The following SORCS1 variants were observed in gnomAD, a reference collection of about 807,000 sequenced individuals.
SORCS1 encodes sortilin related VPS10 domain containing receptor 1, also known as VPS10 domain-containing receptor SorCS1.
A neutral mutation model predicts 146.1 loss-of-function variants in SORCS1; 60 were observed. The ratio of observed to expected loss-of-function variants is 0.41; its 90% CI spans 0.33 to 0.51. The LOEUF (loss-of-function observed/expected upper bound fraction) is 0.51, where lower values mean the gene tolerates loss of function less well. Among genes scored for constraint, SORCS1 ranks in the 20% least tolerant of loss-of-function variants. SORCS1 has a pLI of 0.21. For missense variants in SORCS1, 1,352 were observed against 1,487.6 expected (o/e 0.91, Z 1.50); for synonymous variants, 637 against 584.0 (o/e 1.09, Z -1.31).
intron 6 of SORCS1, among the ~76,000 whole-genome samples, chr10:106,713,979 A>G (rs1855178501): frequency 6.6e-6 from 1 of 151,940 alleles, no homozygotes; most frequent in Non-Finnish European, 1.5e-5. Flanking sequence ...TAAAAACACA[A>G]TAATTAGCCA....
chr10:106,964,775 TGCAC>T (rs1434837405), intron 1 of SORCS1, among the ~76,000 whole-genome samples: 1 of 151,918 alleles, frequency 6.6e-6, no homozygotes, highest in African/African-American at 2.4e-5. Context: ...CATGAGCCAC[TGCAC>T]CAGGCCTAAT....
chr10:106,661,507 C>A (rs1850726219), intron 17 of SORCS1, among the ~76,000 whole-genome samples: 1 of 152,140 alleles, frequency 6.6e-6, no homozygotes, highest in Admixed American at 6.5e-5. Context: ...ACTGTGGATT[C>A]ATAATAAAAG....
chr10:106,679,839 T>C (rs1852303837), intron 10 of SORCS1, 105 bp from the exon 11 acceptor site: 3 of 848,322 alleles, frequency 3.5e-6, no homozygotes, highest in Non-Finnish European at 5.6e-6. Flanking sequence ...CCATTTACCA[T>C]ACATCCATGC....
chr10:107,006,283 C>CT (rs1957438552), intron 1 of SORCS1, among the ~76,000 whole-genome samples: 1 of 152,166 alleles, frequency 6.6e-6, no homozygotes, highest in South Asian at 2.1e-4. Flanking sequence ...TAGCCCTGTG[C>CT]TTAGCACCTG....
At chr10:106,662,202 G>A (rs769437216) in intron 17 of SORCS1, among the ~76,000 whole-genome samples, 6 of 152,154 alleles carry the variant, frequency 3.9e-5, no homozygotes, top group Non-Finnish European at 7.3e-5. Flanking sequence ...AATAATAACC[G>A]ATGCCAGGAT....
At chr10:106,732,331 A>G (rs1856656440) in intron 5 of SORCS1, among the ~76,000 whole-genome samples, 1 of 152,184 alleles carries the variant, frequency 6.6e-6, no homozygotes, top group Non-Finnish European at 1.5e-5. Flanking sequence ...CTTTCATCAG[A>G]ATTTCAGTTA....
chr10:107,129,384 G>A (rs1565081911), intron 1 of SORCS1, among the ~76,000 whole-genome samples: 5 of 152,122 alleles, frequency 3.3e-5, no homozygotes, highest in African/African-American at 7.2e-5. Flanking sequence ...TTCCTTCAAC[G>A]TTAAGAGAAA....
intron 2 of SORCS1, among the ~76,000 whole-genome samples, chr10:106,900,954 T>TTG (rs374799399): frequency 1.3e-5 from 2 of 152,066 alleles, no homozygotes; most frequent in African/African-American, 4.8e-5. Flanking sequence ...TGGTTTTGGT[T>TTG]TGTGTGTGTG....
intron 2 of SORCS1, among the ~76,000 whole-genome samples, chr10:106,929,495 G>C (rs1323712301): frequency 2.0e-5 from 3 of 152,094 alleles, no homozygotes; most frequent in Admixed American, 6.5e-5. Flanking sequence ...AAAAAGAAAA[G>C]CCCTGTCTCT....
rs144875282 is a variant in SORCS1, at chr10:107,162,711, C to T, written c.558+1258G>A. Among the ~76,000 whole-genome samples, 408 of 152,270 alleles carry T rather than the reference C, an allele frequency of 2.7e-3. 2 individuals carry two copies. The highest frequency in any genetic ancestry group is 9.5e-3 in the African/African-American group (393 of 41,548). The stretch of plus-strand genomic sequence containing the variant: ...TGACAGATTAGTATTTTAAAATGTT[C>T]ACAACTCTCATTAAAAAGCTGACAA... On this transcript the variant is annotated intron_variant, in intron 1 of 25. Transcript: ENST00000263054.
At chr10:107,123,078 A>C (rs1294821075) in intron 1 of SORCS1, among the ~76,000 whole-genome samples, 1 of 77,646 alleles carries the variant, frequency 1.3e-5, no homozygotes, top group Non-Finnish European at 2.3e-5. Flanking sequence ...ACAAACTGGC[A>C]AAAAAAAAAA....
chr10:106,876,350 T>G (rs917584509), intron 2 of SORCS1, among the ~76,000 whole-genome samples: 9 of 152,318 alleles, frequency 5.9e-5, no homozygotes, highest in African/African-American at 2.2e-4. Flanking sequence ...TCACTCTGCA[T>G]CCCTTGCATC....
At chr10:106,762,686 C>G (rs1020401524) in intron 4 of SORCS1, among the ~76,000 whole-genome samples, 1 of 152,038 alleles carries the variant, frequency 6.6e-6, no homozygotes, top group Non-Finnish European at 1.5e-5. Context: ...CGTGAGCCAC[C>G]GTGCCCAGCC....
chr10:106,763,438 G>T (rs2136271068), intron 4 of SORCS1, among the ~76,000 whole-genome samples: 1 of 152,308 alleles, frequency 6.6e-6, no homozygotes, highest in Non-Finnish European at 1.5e-5. Context: ...GGCCCCTCAA[G>T]TGGTGGGTAT....
At chr10:106,810,889 T>C (rs1947422679) in intron 3 of SORCS1, among the ~76,000 whole-genome samples, 1 of 151,834 alleles carries the variant, frequency 6.6e-6, no homozygotes, top group African/African-American at 2.4e-5. Flanking sequence ...AGGAGAGAAA[T>C]CATGAGGCTA....
At chr10:106,672,828 C>T in intron 15 of SORCS1, 40 bp downstream of exon 15, 1 of 1,564,044 alleles carries the variant, frequency 6.4e-7, no homozygotes, top group Non-Finnish European at 8.8e-7. Context: ...ACCACTCATG[C>T]TTCCTGCCCA....
In SORCS1 at chr10:106,593,179, C is replaced by A. The variant is rs898708415; in HGVS notation, c.3265+4172G>T. On this transcript the variant is annotated intron_variant, in intron 24 of 25. Transcript: ENST00000263054. ...ACTGTGGCAAGTGTGTCTCGGCCCACCGATACCCTACCAAAGTGCCAAGTT... is the reference window on the plus strand; with the variant it reads ...ACTGTGGCAAGTGTGTCTCGGCCCAACGATACCCTACCAAAGTGCCAAGTT... 2.0e-5 allele frequency among the ~76,000 whole-genome samples: 3 copies of A among 151,718 alleles called. No homozygotes were observed. In the East Asian group the frequency reaches 5.8e-4, roughly 29 times the overall value.
intron 1 of SORCS1, among the ~76,000 whole-genome samples, chr10:107,152,558 G>C (rs917593524): frequency 1.3e-5 from 2 of 152,142 alleles, no homozygotes; most frequent in East Asian, 3.9e-4. Context: ...CTACCTCCAT[G>C]CTGTTCTCAT....
chr10:106,703,851 A>T (rs1412628731), intron 8 of SORCS1, among the ~76,000 whole-genome samples: 1 of 152,230 alleles, frequency 6.6e-6, no homozygotes, highest in African/African-American at 2.4e-5. Flanking sequence ...AATAATAAAC[A>T]TCCACCCGGA....
Sources: allele counts gnomAD v4.1 joint callset (sites outside exome capture counted in the v4.1 genomes callset), GRCh38; gene constraint gnomAD v4.1.1; transcripts MANE v1.5; gene names NCBI Gene and HGNC (gene_info 2026-07-23, HGNC 2026-07-21).